Variants in PEX5 observed in about 807,000 individuals in gnomAD.
PEX5 encodes peroxisomal biogenesis factor 5.
A neutral mutation model predicts 82.9 loss-of-function variants in PEX5; 52 were observed. The observed-to-expected ratio is 0.63, with a 90% CI of 0.50 to 0.79. PEX5 has a LOEUF of 0.79. PEX5 is among the 30% of genes least tolerant of loss of function. PEX5 has a pLI of 0.00. For missense variants in PEX5, 719 were observed against 815.2 expected, an observed-to-expected ratio of 0.88 and a Z score of 1.44; for synonymous variants, 300 against 318.8, an observed-to-expected ratio of 0.94 and a Z score of 0.63.
intron 5 of PEX5, among the ~76,000 whole-genome samples, chr12:7,192,332 G>A (rs910204206): frequency 1.3e-5 from 2 of 152,224 alleles, no homozygotes; most frequent in Non-Finnish European, 2.9e-5. Context: ...CAGTGGTAGA[G>A]TTGGGATTTG....
At chr12:7,208,977 A>C in intron 13 of PEX5, 28 bp from the exon 14 acceptor site, 1 of 1,605,146 alleles carries the variant, frequency 6.2e-7, no homozygotes, top group South Asian at 1.1e-5. Context: ...TCATCTACCT[A>C]CTTTGTGTTT....
At chr12:7,215,304 G>A (rs1305399349), downstream of PEX5, among the ~76,000 whole-genome samples, 1 of 152,168 alleles carries the variant, frequency 6.6e-6, no homozygotes, top group Non-Finnish European at 1.5e-5. Context: ...TGGTGGGAGT[G>A]TAAATCAGTT....
intron 10 of PEX5, among the ~76,000 whole-genome samples, chr12:7,207,069 T>C (rs771401756): frequency 6.6e-6 from 1 of 152,316 alleles, no homozygotes. Flanking sequence ...GGGATCCAGC[T>C]TTTGCTTACT....
At chr12:7,213,819 C>A (rs1177056472), downstream of PEX5, among the ~76,000 whole-genome samples, 1 of 150,474 alleles carries the variant, frequency 6.6e-6, no homozygotes, top group Non-Finnish European at 1.5e-5. Flanking sequence ...ATTTTCGCAA[C>A]CTACTCATCT....
downstream of PEX5, among the ~76,000 whole-genome samples, chr12:7,211,898 C>T (rs181238698): frequency 2.0e-5 from 3 of 151,472 alleles, no homozygotes; most frequent in Non-Finnish European, 2.9e-5. Flanking sequence ...TAAAAATATA[C>T]ACAAATATTT....
At position 7,210,193 on chromosome 12, in the gene PEX5, C is replaced by T. The variant is rs779933516; in HGVS notation, c.1890C>T (p.Thr630=). ...YGAADARDLS[T]LLTMFGLPQ ...CAGCCGACGCGCGGGATCTGTCCACCCTCCTAACTATGTTTGGCCTGCCCC... is the reference window on the plus strand; with the variant it reads ...CAGCCGACGCGCGGGATCTGTCCACTCTCCTAACTATGTTTGGCCTGCCCC... The change falls in exon 16 of 16, where the codon ACC becomes ACT. Residue 630 remains threonine (T), a synonymous_variant. Coordinates refer to ENST00000675855, the MANE Select transcript of PEX5 (RefSeq NM_001351132.2). 89 of 1,614,060 alleles carry T rather than the reference C, an allele frequency of 5.5e-5. No individual in the cohort carries two copies. Among genetic ancestry groups the T allele is most frequent in the Middle Eastern group, 1.6e-4 (1 of 6,084 alleles).
intron 8 of PEX5, 122 bp downstream of exon 8, chr12:7,202,473 T>G (rs1944215048): frequency 1.4e-6 from 2 of 1,427,554 alleles, no homozygotes; most frequent in Non-Finnish European, 2.0e-6. Flanking sequence ...AGCATCCAGG[T>G]CCCAAGTGGG....
At chr12:7,188,699 G>C (rs1323757160), upstream of PEX5, 2 of 152,570 alleles carry the variant, frequency 1.3e-5, no homozygotes, top group Non-Finnish European at 2.9e-5. Context: ...ACCCTGGGCT[G>C]GGATGGTACT....
chr12:7,208,662 T>A lies in PEX5; in HGVS notation c.1387T>A (p.Leu463Met), dbSNP rs1945131305. 3 of 1,611,984 alleles carry A rather than the reference T, an allele frequency of 1.9e-6. No homozygotes were observed. The highest frequency in any genetic ancestry group is 2.5e-6 in the Non-Finnish European group (3 of 1,178,196). Reference sequence around the variant, plus strand: ...CAGCAAGCGTATCCTGGGATCTCTCTTGTCTGAGTGAGTATGAGGGGTTCC... The same window carrying A: ...CAGCAAGCGTATCCTGGGATCTCTCATGTCTGAGTGAGTATGAGGGGTTCC... ...GPSKRILGSL[L>M]SDSLFLEVKE... The change falls in exon 13 of 16, where the codon TTG (leucine) becomes ATG (methionine). Residue 463 changes from leucine (L) to methionine (M), a missense_variant. Leu to Met is a conservative substitution (Grantham distance 15). Transcript: ENST00000675855.
At chr12:7,213,070 T>A (rs1945669928), downstream of PEX5, among the ~76,000 whole-genome samples, 2 of 151,752 alleles carry the variant, frequency 1.3e-5, no homozygotes, top group Admixed American at 1.3e-4. Context: ...CTCAAGGAAA[T>A]AAAAGAGGAT....
rs1010541220 is a variant in PEX5 at position 7,196,457 on chromosome 12, T to C, written c.449-2554T>C. ...CCATATATAATGTAATAATTATGTG[T>C]CATATATAATGTAATAATTACATCA... On this transcript the variant is annotated intron_variant, in intron 5 of 15. Transcript: ENST00000675855. Among the ~76,000 whole-genome samples the C allele has an allele frequency of 3.0e-3, 416 of 136,922 alleles. 5 individuals are homozygous for C. Among genetic ancestry groups the C allele is most frequent in the Non-Finnish European group, 5.2e-3 (335 of 64,810 alleles). 89.8% of individuals were successfully genotyped at this position (136,922 alleles called of 152,430 possible).
rs1378484986 is a variant in PEX5, at chr12:7,197,144, ATAATTATATATGTCATATATAATG to A, written c.449-1800_449-1777del. On this transcript the variant is annotated intron_variant, in intron 5 of 15. Transcript: ENST00000675855. ...AATAATATATGTCATATATAATGTA[ATAATTATATATGTCATATATAATG>A]TAATTATATATGTCATATATAATGT... 5.1e-3 allele frequency among the ~76,000 whole-genome samples: 29 copies of A among 5,700 alleles called. 5 individuals carry two copies. The highest frequency in any genetic ancestry group is 6.3e-3 in the African/African-American group (26 of 4,128). The allele number at this position is 5,700 out of a possible 152,430, so 3.7% of individuals were successfully genotyped here. A position where few individuals can be genotyped will look rare whatever the true frequency, so the allele number is the denominator to read the frequency against.
intron 5 of PEX5, 110 bp from the exon 6 acceptor site, chr12:7,198,901 C>G (rs184312461): frequency 1.5e-6 from 1 of 662,162 alleles, no homozygotes; most frequent in African/African-American, 1.8e-5. Flanking sequence ...AGAGTTTTGT[C>G]TGCTTTGGTG....
chr12:7,206,830 G>A (rs1309265987), intron 10 of PEX5, among the ~76,000 whole-genome samples: 3 of 152,154 alleles, frequency 2.0e-5, no homozygotes, highest in South Asian at 2.1e-4. Flanking sequence ...TCGTTCTGGT[G>A]TATTATTTTA....
At chr12:7,202,794 G>C in intron 9 of PEX5, 90 bp downstream of exon 9, 1 of 910,800 alleles carries the variant, frequency 1.1e-6, no homozygotes, top group East Asian at 2.4e-5. Flanking sequence ...GATGCAAATT[G>C]TATTTCATAG....
In PEX5 at chr12:7,210,025, G is replaced by C; in HGVS notation, c.1722G>C (p.Glu574Asp). The change falls in exon 16 of 16, where the codon GAG (glutamate) becomes GAC (aspartate). Residue 574 changes from glutamate (E) to aspartate (D), a missense_variant. By Grantham distance (45) the Glu-to-Asp change is conservative (BLOSUM62 2). Transcript: ENST00000675855. ...TCATTCCTCTTCTTCCTTACAGGGA[G>C]GCTGTGGAGCACTTTCTGGAGGCCC... The part of the protein sequence containing the change: ...ISCINLGAHR[E>D]AVEHFLEALN... 1 of 1,614,198 alleles carries C rather than the reference G, an allele frequency of 6.2e-7. No individual in the cohort carries two copies. Among genetic ancestry groups the C allele is most frequent in the Non-Finnish European group, 8.5e-7 (1 of 1,180,022 alleles).
chr12:7,208,867 T>G, intron 13 of PEX5, 138 bp from the exon 14 acceptor site: 2 of 938,434 alleles, frequency 2.1e-6, no homozygotes, highest in South Asian at 1.3e-5. Flanking sequence ...GCTTCTATAT[T>G]GGACTTTGAG....
At position 7,210,241 on chromosome 12, in the gene PEX5, C is replaced by A; in HGVS notation, c.*18C>A. 3.1e-6 allele frequency: 5 copies of A among 1,610,414 alleles called. No homozygotes were observed. The highest frequency in any genetic ancestry group is 4.2e-6 in the Non-Finnish European group (5 of 1,177,024). On this transcript the variant is annotated 3_prime_UTR_variant, in exon 16 of 16. Coordinates refer to ENST00000675855, the MANE Select transcript of PEX5 (RefSeq NM_001351132.2). ...CCCAGTGACAGTGGGACGGGCTGCC[C>A]TGTGAGTGTCCACCTGGAGGGATCC...
In PEX5 at chr12:7,202,598, CT is replaced by C; in HGVS notation, c.754-8del. ...GTTGGTGGTAGTGGTACTGACCATC[CT>C]TTTTTGTCGCAGGGTACATCAGATG... is the stretch of plus-strand genomic sequence containing the variant. On this transcript the variant is annotated splice_polypyrimidine_tract_variant and intron_variant, in intron 8 of 15. Transcript: ENST00000675855. 1 of 1,611,506 alleles carries C rather than the reference CT, an allele frequency of 6.2e-7. No homozygotes were observed. Among genetic ancestry groups the C allele is most frequent in the Non-Finnish European group, 8.5e-7 (1 of 1,177,692 alleles).
Sources: gnomAD v4.1 joint callset for allele counts (sites outside exome capture counted in the v4.1 genomes callset) on GRCh38, gnomAD v4.1.1 for gene constraint, MANE v1.5 for transcripts, NCBI Gene and HGNC (gene_info 2026-07-23, HGNC 2026-07-21) for gene names.